Variants in LAMB1 observed in about 807,000 individuals in gnomAD.
LAMB1 encodes the protein laminin subunit beta 1.
A neutral mutation model predicts 222.3 loss-of-function variants in LAMB1; 121 were observed. That is an observed-to-expected ratio of 0.54 (90% confidence interval 0.47 to 0.63). The LOEUF (loss-of-function observed/expected upper bound fraction) is 0.63. Among genes scored for constraint, LAMB1 ranks in the 30% least tolerant of loss-of-function variants. The pLI, the probability that LAMB1 is intolerant of heterozygous loss-of-function variation, is 0.00. For synonymous variants in LAMB1, 794 were observed against 807.2 expected (o/e 0.98, Z 0.28); for missense variants, 2,172 against 2,240.8 (o/e 0.97, Z 0.62).
chr7:107,997,535 A>G (rs927129282), intron 4 of LAMB1, among the ~76,000 whole-genome samples: 1 of 152,240 alleles, frequency 6.6e-6, no homozygotes, highest in African/African-American at 2.4e-5. Context: ...GCCCAGGTGT[A>G]CTGCATAGAA....
intron 24 of LAMB1, chr7:107,942,017 A>T (rs1409108697): frequency 2.3e-5 from 3 of 131,596 alleles, no homozygotes; most frequent in African/African-American, 5.8e-5. Flanking sequence ...TTTTTTTTGG[A>T]AGAGTCTCAC....
At chr7:107,990,612 A>G (rs959583255) in intron 5 of LAMB1, among the ~76,000 whole-genome samples, 3 of 152,204 alleles carry the variant, frequency 2.0e-5, no homozygotes, top group African/African-American at 7.2e-5. Flanking sequence ...CTACTCCATA[A>G]GCAGAGCAGC....
At chr7:107,997,369 G>A (rs1310767620) in intron 4 of LAMB1, among the ~76,000 whole-genome samples, 9 of 152,218 alleles carry the variant, frequency 5.9e-5, no homozygotes, top group Admixed American at 5.2e-4. Context: ...GTTGCAGTAA[G>A]CTGAGATTGC....
intron 32 of LAMB1, among the ~76,000 whole-genome samples, chr7:107,925,910 AAAAG>A (rs2032551597): frequency 6.6e-6 from 1 of 151,344 alleles, no homozygotes; most frequent in African/African-American, 2.4e-5. Flanking sequence ...AAAAAAAAAA[AAAAG>A]CCTGTTTTGA....
chr7:107,979,279 A>G (rs2033927717), intron 8 of LAMB1, among the ~76,000 whole-genome samples: 1 of 152,370 alleles, frequency 6.6e-6, no homozygotes, highest in Non-Finnish European at 1.5e-5. Context: ...GTTGTGCAAC[A>G]AAAGTTCTAA....
chr7:107,949,505 C>A (rs1218864325), intron 24 of LAMB1, among the ~76,000 whole-genome samples: 3 of 152,232 alleles, frequency 2.0e-5, no homozygotes, highest in Non-Finnish European at 4.4e-5. Flanking sequence ...CTGGAAAAAA[C>A]AGATTTTAAG....
At chr7:107,937,532 A>C (rs531860899) in intron 25 of LAMB1, among the ~76,000 whole-genome samples, 1 of 152,332 alleles carries the variant, frequency 6.6e-6, no homozygotes, top group Admixed American at 6.5e-5. Flanking sequence ...CAAGCCATTT[A>C]AGGGATTCCA....
At chr7:107,947,740 G>C (rs2033147754) in intron 24 of LAMB1, among the ~76,000 whole-genome samples, 1 of 152,156 alleles carries the variant, frequency 6.6e-6, no homozygotes, top group African/African-American at 2.4e-5. Flanking sequence ...AAAGCATTGA[G>C]GATCCGACAC....
rs2032943250 is a variant in LAMB1 at position 107,940,081 on chromosome 7, C to T, written c.3669G>A (p.Val1223=). The change falls in exon 25 of 34, where the codon GTG becomes GTA. Residue 1223 remains valine, a synonymous_variant. Transcript: ENST00000222399. ...CTTTTATCTCGCTGACTTTCCTCTC[C>T]ACCGAGTCCACAGTCTCACGGTAAG... is the stretch of plus-strand genomic sequence containing the variant. The part of the protein sequence containing the change: ...IGPYRETVDS[V]ERKVSEIKDI... 2.5e-6 allele frequency: 4 copies of T among 1,614,034 alleles called. No homozygotes were observed. The highest frequency in any genetic ancestry group is 3.4e-6 in the Non-Finnish European group (4 of 1,180,050).
At chr7:107,935,758 A>C in intron 26 of LAMB1, 102 bp from the exon 27 acceptor site, 1 of 1,281,342 alleles carries the variant, frequency 7.8e-7, no homozygotes, top group East Asian at 2.4e-5. Flanking sequence ...AATTTACTGT[A>C]AAGTTTTAAA....
intron 12 of LAMB1, among the ~76,000 whole-genome samples, chr7:107,974,504 A>G (rs2150438082): frequency 6.6e-6 from 1 of 152,360 alleles, no homozygotes; most frequent in African/African-American, 2.4e-5. Context: ...ATGATTAATA[A>G]AAGATGCAAT....
intron 20 of LAMB1, among the ~76,000 whole-genome samples, chr7:107,955,892 C>T (rs1371250787): frequency 7.1e-6 from 1 of 140,852 alleles, no homozygotes; most frequent in Non-Finnish European, 1.5e-5. Context: ...ACCACCACAC[C>T]TGGCTGTTTT....
chr7:107,959,779 G>A lies in LAMB1; in HGVS notation c.2370C>T (p.Gly790=). 6.2e-7 allele frequency: 1 copy of A among 1,614,104 alleles called. No homozygotes were observed. The highest frequency in any genetic ancestry group is 8.5e-7 in the Non-Finnish European group (1 of 1,179,998). ...SLSSVCDPNG[G]QCQCRPNVVG... is the part of the protein sequence containing the mutation. ...CCACGTTGGGCCGGCACTGGCACTG[G>A]CCTCCGTTGGGATCACACACGGAAC... Residue 790 remains glycine, a synonymous_variant, in exon 19 of 34, where the codon GGC becomes GGT. Coordinates refer to ENST00000222399, the MANE Select transcript of LAMB1 (RefSeq NM_002291.3).
intron 29 of LAMB1, 43 bp downstream of exon 29, chr7:107,931,313 C>T: frequency 3.9e-6 from 6 of 1,542,112 alleles, no homozygotes; most frequent in Non-Finnish European, 4.4e-6. Flanking sequence ...CAGAGAATCA[C>T]ACAGAAACAA....
intron 21 of LAMB1, 52 bp downstream of exon 21, chr7:107,955,414 AT>A: frequency 6.6e-7 from 1 of 1,524,042 alleles, no homozygotes; most frequent in East Asian, 2.3e-5. Flanking sequence ...CAATGAACTC[AT>A]AAAGACATCT....
chr7:107,972,616 A>G (rs954941305), intron 13 of LAMB1, among the ~76,000 whole-genome samples: 1 of 152,170 alleles, frequency 6.6e-6, no homozygotes, highest in Non-Finnish European at 1.5e-5. Flanking sequence ...AAGAAAATGA[A>G]AAGATTCTCT....
chr7:107,941,505 A>G (rs968684616), intron 24 of LAMB1, among the ~76,000 whole-genome samples: 1 of 152,170 alleles, frequency 6.6e-6, no homozygotes, highest in East Asian at 1.9e-4. Flanking sequence ...TTAACTTGCA[A>G]TCAGAATCCA....
chr7:107,942,254 T>A (rs1426984985), intron 24 of LAMB1: 1 of 152,296 alleles, frequency 6.6e-6, no homozygotes, highest in Non-Finnish European at 1.5e-5. Flanking sequence ...CCTCCCGAAG[T>A]GCTGGGATTA....
intron 29 of LAMB1, among the ~76,000 whole-genome samples, chr7:107,930,357 A>G (rs2032675657): frequency 6.6e-6 from 1 of 152,258 alleles, no homozygotes; most frequent in African/African-American, 2.4e-5. Context: ...GATTTATTCA[A>G]ATAAAATATG....
Sources: gnomAD v4.1 joint callset for allele counts (sites outside exome capture counted in the v4.1 genomes callset) on GRCh38, gnomAD v4.1.1 for gene constraint, MANE v1.5 for transcripts, NCBI Gene and HGNC (gene_info 2026-07-23, HGNC 2026-07-21) for gene names.